The following MFSD6 variants were observed in gnomAD, a reference collection of about 807,000 sequenced individuals.
MFSD6 encodes major facilitator superfamily domain-containing protein 6.
A neutral mutation model predicts 56.3 loss-of-function variants in MFSD6; 26 were observed. The ratio of observed to expected loss-of-function variants is 0.46; its 90% CI spans 0.34 to 0.64. The LOEUF is 0.64. Among genes scored for constraint, MFSD6 ranks in the 30% least tolerant of loss-of-function variants. The pLI is 0.01. For synonymous variants in MFSD6, 331 were observed against 366.9 expected (o/e 0.90, Z 1.12); for missense variants, 750 against 986.2 (o/e 0.76, Z 3.21).
rs1027423521 is a variant in MFSD6, at chr2:190,443,743, T to C, written c.1532+6182T>C. Among the ~76,000 whole-genome samples, 5 of 152,338 alleles carry C rather than the reference T, an allele frequency of 3.3e-5. No individual in the cohort carries two copies. Among genetic ancestry groups the C allele is most frequent in the African/African-American group, 1.2e-4 (5 of 41,586 alleles). On this transcript the variant is annotated intron_variant, in intron 3 of 7. Transcript: ENST00000392328. This position sits in a 1 kb window ranked among gnomAD's most constrained non-coding sequence, Gnocchi z 4.2. The stretch of plus-strand genomic sequence containing the variant: ...TATATAATAGAATCTTTTGCTCTTA[T>C]AAACAAAGGTTGTCTTCTTAAAGAT...
chr2:190,468,007 G>GC (rs1687696052), intron 3 of MFSD6, among the ~76,000 whole-genome samples: 1 of 152,204 alleles, frequency 6.6e-6, no homozygotes, highest in African/African-American at 2.4e-5. Context: ...GTAAAGAGAG[G>GC]CCACCCACAG....
intron 4 of MFSD6, among the ~76,000 whole-genome samples, chr2:190,477,965 G>A (rs1029904020): frequency 2.0e-5 from 3 of 152,182 alleles, no homozygotes; most frequent in African/African-American, 2.4e-5. Flanking sequence ...AGCTGTGTGC[G>A]AAGGCACAGA....
intron 3 of MFSD6, among the ~76,000 whole-genome samples, chr2:190,448,383 T>C (rs1686658369): frequency 6.6e-6 from 1 of 152,200 alleles, no homozygotes; most frequent in African/African-American, 2.4e-5. Flanking sequence ...CTTGTGGCTT[T>C]CTTACAGTGA....
Position 190,443,863 on chromosome 2 carries a change from T to G in MFSD6, c.1532+6302T>G, listed in dbSNP as rs923015234. Among the ~76,000 whole-genome samples the G allele has an allele frequency of 2.6e-5, 4 of 152,196 alleles. No individual in the cohort carries two copies. The highest frequency in any genetic ancestry group is 9.7e-5 in the African/African-American group (4 of 41,448). On this transcript the variant is annotated intron_variant, in intron 3 of 7. Transcript: ENST00000392328. The surrounding 1 kb of genome is among the most constrained non-coding windows in gnomAD (Gnocchi z 4.2). ...TGAGCCCAGGAGTTCGAGATCAGCCTGGGCAACATGGTGAGACCTTGTCTC... is the reference window on the plus strand; with the variant it reads ...TGAGCCCAGGAGTTCGAGATCAGCCGGGGCAACATGGTGAGACCTTGTCTC...
chr2:190,422,686 T>A (rs1685664607), intron 2 of MFSD6, among the ~76,000 whole-genome samples: 1 of 152,186 alleles, frequency 6.6e-6, no homozygotes, highest in South Asian at 2.1e-4. Flanking sequence ...CTTGTGTCCA[T>A]TTTTATTCAT....
In MFSD6 at chr2:190,499,933, T is replaced by C; in HGVS notation, c.2173-82T>C. Reference sequence around the variant, plus strand: ...TTCCGGATGATCTCCCCATGTTTCCTGTCTTACTTGAAAGCATATATAAAA... The same window carrying C: ...TTCCGGATGATCTCCCCATGTTTCCCGTCTTACTTGAAAGCATATATAAAA... On this transcript the variant is annotated intron_variant, in intron 7 of 7. Coordinates refer to ENST00000392328, the MANE Select transcript of MFSD6 (RefSeq NM_017694.4). This position sits in a 1 kb window ranked among gnomAD's most constrained non-coding sequence, Gnocchi z 6.0. 3 of 1,594,834 alleles carry C rather than the reference T, an allele frequency of 1.9e-6. No homozygotes were observed. The highest frequency in any genetic ancestry group is 2.3e-5 in the South Asian group (2 of 88,810).
At chr2:190,409,258 G>GA (rs976595386) in intron 1 of MFSD6, among the ~76,000 whole-genome samples, 4 of 152,048 alleles carry the variant, frequency 2.6e-5, no homozygotes, top group Non-Finnish European at 5.9e-5. Flanking sequence ...TAAGATGGTG[G>GA]AAAAATACAA....
rs1362496938 is a variant in MFSD6, at chr2:190,412,206, G to C, written c.-175-3086G>C. On this transcript the variant is annotated intron_variant, in intron 1 of 7. Transcript: ENST00000392328. The surrounding 1 kb of genome is among the most constrained non-coding windows in gnomAD (Gnocchi z 4.1). ...ATACATTTCCAGACTTAGAAATCCA[G>C]AGCCATAATACATTCAGACTTTTCA... is the stretch of plus-strand genomic sequence containing the variant. The C allele has an allele frequency of 1.0e-6, 1 of 984,968 alleles. No homozygotes were observed. Among genetic ancestry groups the C allele is most frequent in the African/African-American group, 1.7e-5 (1 of 57,206 alleles). 61.0% of individuals were successfully genotyped at this position (984,968 alleles called of 1,614,324 possible). A position where few individuals can be genotyped will look rare whatever the true frequency, so the allele number is the denominator to read the frequency against.
At position 190,488,887 on chromosome 2, in the gene MFSD6, A is replaced by G. The variant is rs1186936258; in HGVS notation, c.1792+69A>G. The G allele has an allele frequency of 1.5e-6, 2 of 1,376,956 alleles. No homozygotes were observed. Among genetic ancestry groups the G allele is most frequent in the Non-Finnish European group, 2.0e-6 (2 of 1,025,154 alleles). 85.3% of individuals were successfully genotyped at this position (1,376,956 alleles called of 1,614,324 possible). On this transcript the variant is annotated intron_variant, in intron 5 of 7. Coordinates refer to ENST00000392328, the MANE Select transcript of MFSD6 (RefSeq NM_017694.4). This position sits in a 1 kb window ranked among gnomAD's most constrained non-coding sequence, Gnocchi z 6.4. Reference sequence around the variant, plus strand: ...CATGATTTTTTCCAGCAATACCTCAATAAACAATCCAATTATTACTGAAGA... The same window carrying G: ...CATGATTTTTTCCAGCAATACCTCAGTAAACAATCCAATTATTACTGAAGA...
Position 190,487,757 on chromosome 2 carries a change from A to G in MFSD6, c.1631-900A>G, listed in dbSNP as rs1689095033. ...AAGATATATATAAGTTCTGGCAAGGAGGTGGAGAAATTGGATCTCTCATAC... is the reference window on the plus strand; with the variant it reads ...AAGATATATATAAGTTCTGGCAAGGGGGTGGAGAAATTGGATCTCTCATAC... On this transcript the variant is annotated intron_variant, in intron 4 of 7. Coordinates refer to ENST00000392328, the MANE Select transcript of MFSD6 (RefSeq NM_017694.4). The surrounding 1 kb of genome is among the most constrained non-coding windows in gnomAD (Gnocchi z 5.5). Among the ~76,000 whole-genome samples the G allele has an allele frequency of 6.6e-6, 1 of 152,220 alleles. No individual in the cohort carries two copies. The highest frequency in any genetic ancestry group is 1.5e-5 in the Non-Finnish European group (1 of 68,034).
intron 3 of MFSD6, among the ~76,000 whole-genome samples, chr2:190,441,997 T>C (rs541151287): frequency 2.0e-5 from 3 of 152,148 alleles, no homozygotes; most frequent in Non-Finnish European, 4.4e-5. Flanking sequence ...CTGATGGCAA[T>C]TGATACTGTG....
intron 4 of MFSD6, among the ~76,000 whole-genome samples, chr2:190,476,746 C>T (rs1477025767): frequency 2.0e-5 from 3 of 152,130 alleles, no homozygotes; most frequent in African/African-American, 4.8e-5. Context: ...TATAAAGACA[C>T]ATGCACACAT....
At chr2:190,493,881 G>A (rs1689509558) in intron 6 of MFSD6, among the ~76,000 whole-genome samples, 1 of 152,050 alleles carries the variant, frequency 6.6e-6, no homozygotes, top group Non-Finnish European at 1.5e-5. Context: ...AAGGGGAAAG[G>A]TCATAGCCTA....
Position 190,424,276 on chromosome 2 carries a change from T to C in MFSD6, c.-54+8863T>C, listed in dbSNP as rs1420266916. Among the ~76,000 whole-genome samples the C allele has an allele frequency of 1.3e-5, 2 of 151,976 alleles. No individual in the cohort carries two copies. Among genetic ancestry groups the C allele is most frequent in the East Asian group, 3.8e-4 (2 of 5,196 alleles). ...AAATGTTTTATAGTTTCAAATTGTA[T>C]AGTTAATGATCCATTTTGAGTTAAT... On this transcript the variant is annotated intron_variant, in intron 2 of 7. Transcript: ENST00000392328. This position sits in a 1 kb window ranked among gnomAD's most constrained non-coding sequence, Gnocchi z 5.9.
rs561181920 is a variant in MFSD6 at position 190,489,491 on chromosome 2, T to C, written c.1793-277T>C. Among the ~76,000 whole-genome samples the C allele has an allele frequency of 1.9e-4, 29 of 152,296 alleles. No individual in the cohort carries two copies. In the East Asian group the frequency reaches 5.6e-3, roughly 29 times the overall value. On this transcript the variant is annotated intron_variant, in intron 5 of 7. Coordinates refer to ENST00000392328, the MANE Select transcript of MFSD6 (RefSeq NM_017694.4). The surrounding 1 kb of genome is among the most constrained non-coding windows in gnomAD (Gnocchi z 6.6). ...TTTCATATGAAGAGGAGAGCACCAT[T>C]GAATTGTATGAGTCATGGTGAAAGG...
chr2:190,443,168 GC>G lies in MFSD6; in HGVS notation c.1532+5609del, dbSNP rs1168611454. On this transcript the variant is annotated intron_variant, in intron 3 of 7. Transcript: ENST00000392328. This position sits in a 1 kb window ranked among gnomAD's most constrained non-coding sequence, Gnocchi z 4.2. ...ACCCTCTGTGGGTGTTCCTAGGTGG[GC>G]CTAAGACATAAGCAAGGGAGAAAAA... is the stretch of plus-strand genomic sequence containing the variant. Among the ~76,000 whole-genome samples, 1 of 152,122 alleles carries G rather than the reference GC, an allele frequency of 6.6e-6. No individual in the cohort carries two copies. The highest frequency in any genetic ancestry group is 1.5e-5 in the Non-Finnish European group (1 of 68,020).
intron 6 of MFSD6, among the ~76,000 whole-genome samples, chr2:190,493,499 A>G (rs533876192): frequency 6.6e-6 from 1 of 152,274 alleles, no homozygotes; most frequent in South Asian, 2.1e-4. Context: ...CAAAGAAACA[A>G]TGGATTTAAA....
At chr2:190,479,766 C>A (rs1688554670) in intron 4 of MFSD6, among the ~76,000 whole-genome samples, 2 of 152,058 alleles carry the variant, frequency 1.3e-5, no homozygotes, top group South Asian at 4.2e-4. Flanking sequence ...ATTAATGACT[C>A]CAGCACTGAG....
intron 4 of MFSD6, among the ~76,000 whole-genome samples, chr2:190,470,896 A>C (rs1270774384): frequency 6.7e-6 from 1 of 149,184 alleles, no homozygotes; most frequent in Non-Finnish European, 1.5e-5. Flanking sequence ...ATAATTATAA[A>C]ATTCAAGTAT....
Sources: allele counts gnomAD v4.1 joint callset (sites outside exome capture counted in the v4.1 genomes callset), GRCh38; gene constraint gnomAD v4.1.1; non-coding constraint Gnocchi (gnomAD v3.1); transcripts MANE v1.5; gene names NCBI Gene and HGNC (gene_info 2026-07-23, HGNC 2026-07-21).